Variants in GRID1 observed in about 807,000 individuals in gnomAD.
GRID1 encodes the protein glutamate ionotropic receptor delta type subunit 1.
Under a neutral mutation model 98.0 loss-of-function variants are expected in GRID1, and 28 were observed. The ratio of observed to expected loss-of-function variants is 0.29; its 90% CI spans 0.21 to 0.39. The LOEUF (loss-of-function observed/expected upper bound fraction) is 0.39, where lower values mean the gene tolerates loss of function less well. Ranked by LOEUF, GRID1 falls within the 10% of genes least tolerant of loss-of-function variation. The pLI, the probability that GRID1 is intolerant of heterozygous loss-of-function variation, is 1.00. For synonymous variants in GRID1, 553 were observed against 538.5 expected (o/e 1.03, Z -0.37); for missense variants, 1,111 against 1,340.5 (o/e 0.83, Z 2.67).
At chr10:85,725,350 T>C (rs1841750444) in intron 10 of GRID1, among the ~76,000 whole-genome samples, 1 of 152,218 alleles carries the variant, frequency 6.6e-6, no homozygotes, top group African/African-American at 2.4e-5. Flanking sequence ...AGGTTTATTC[T>C]TCCATGGTAA....
chr10:86,247,401 T>C (rs1846749660), intron 2 of GRID1, among the ~76,000 whole-genome samples: 1 of 151,892 alleles, frequency 6.6e-6, no homozygotes, highest in Non-Finnish European at 1.5e-5. Context: ...GATGAATGGA[T>C]GGATGGACAG....
intron 12 of GRID1, among the ~76,000 whole-genome samples, chr10:85,678,081 C>T (rs1259779625): frequency 6.6e-6 from 1 of 152,158 alleles, no homozygotes; most frequent in Non-Finnish European, 1.5e-5. Flanking sequence ...CACCAGCATT[C>T]TGCCCCCAAC....
intron 8 of GRID1, among the ~76,000 whole-genome samples, chr10:85,792,727 A>G (rs1325043948): frequency 2.6e-5 from 4 of 152,168 alleles, no homozygotes; most frequent in African/African-American, 9.7e-5. Flanking sequence ...CTTCCTCTCA[A>G]GCTCGAAGCC....
At chr10:85,627,412 G>T (rs1448943956) in intron 13 of GRID1, among the ~76,000 whole-genome samples, 1 of 152,168 alleles carries the variant, frequency 6.6e-6, no homozygotes, top group African/African-American at 2.4e-5. Flanking sequence ...ATCTTATATT[G>T]TTTAGTGGAA....
intron 3 of GRID1, among the ~76,000 whole-genome samples, chr10:86,176,769 G>A (rs1845581055): frequency 6.6e-6 from 1 of 152,176 alleles, no homozygotes; most frequent in South Asian, 2.1e-4. Context: ...AGCCTTGATA[G>A]GTCGCTATTG....
chr10:85,653,692 G>T (rs1840857216), intron 12 of GRID1, among the ~76,000 whole-genome samples: 1 of 152,146 alleles, frequency 6.6e-6, no homozygotes, highest in African/African-American at 2.4e-5. Flanking sequence ...TTGATGAATG[G>T]ATTAACCCAA....
intron 4 of GRID1, among the ~76,000 whole-genome samples, chr10:86,004,740 T>TCACACACACACACACA (rs201671134): frequency 0.19 from 18,191 of 94,172 alleles, 1,604 homozygotes; most frequent in African/African-American, 0.35. Context: ...ACACACACAC[T>TCACACACACACACACA]CACACACACA....
At chr10:86,046,297 T>A (rs1344731574) in intron 4 of GRID1, among the ~76,000 whole-genome samples, 2 of 152,218 alleles carry the variant, frequency 1.3e-5, no homozygotes, top group Non-Finnish European at 2.9e-5. Context: ...GCACACTGCC[T>A]GTGGAGCACC....
At chr10:85,774,059 A>G (rs554681310) in intron 8 of GRID1, among the ~76,000 whole-genome samples, 1 of 152,212 alleles carries the variant, frequency 6.6e-6, no homozygotes, top group Non-Finnish European at 1.5e-5. Context: ...GCATCACGCT[A>G]TCTGACTTCA....
chr10:85,933,297 A>AAC (rs997945882), intron 4 of GRID1, among the ~76,000 whole-genome samples: 3 of 75,716 alleles, frequency 4.0e-5, no homozygotes, highest in Non-Finnish European at 6.2e-5. Flanking sequence ...AAAAAAAAAA[A>AAC]AAAAAAAAAA....
intron 4 of GRID1, among the ~76,000 whole-genome samples, chr10:85,928,025 G>A (rs1244627023): frequency 6.6e-6 from 1 of 152,174 alleles, no homozygotes; most frequent in Non-Finnish European, 1.5e-5. Flanking sequence ...AACTGAGTAA[G>A]GTACAAGGAG....
At chr10:86,304,903 C>T (rs2446014) in intron 2 of GRID1, among the ~76,000 whole-genome samples, 6,098 of 152,172 alleles carry the variant, frequency 0.04, 240 homozygotes, top group Admixed American at 0.11. Flanking sequence ...TTTAAAGCAT[C>T]TGGGTGGCGT....
At chr10:86,010,266 T>C (rs189809415) in intron 4 of GRID1, among the ~76,000 whole-genome samples, 3 of 152,318 alleles carry the variant, frequency 2.0e-5, no homozygotes, top group African/African-American at 4.8e-5. Context: ...CAAATATCCA[T>C]TGAATACTAC....
intron 4 of GRID1, among the ~76,000 whole-genome samples, chr10:86,089,870 CCAAGTAGCTGGGACTGCAGGCA>C (rs1307178569): frequency 1.3e-5 from 2 of 152,004 alleles, no homozygotes; most frequent in East Asian, 3.9e-4. Context: ...CCTCAGCCTC[CCAAGTAGCTGGGACTGCAGGCA>C]CACGCCACCA....
chr10:85,613,546 G>A lies in GRID1; in HGVS notation c.2462C>T (p.Ala821Val), dbSNP rs1842756840. 1.2e-6 allele frequency: 2 copies of A among 1,614,202 alleles called. No homozygotes were observed. The highest frequency in any genetic ancestry group is 1.7e-6 in the Non-Finnish European group (2 of 1,180,048). The change falls in exon 15 of 16, where the codon GCC becomes GTC. Residue 821 changes from alanine (A) to valine (V), a missense_variant. Around this residue, in one of 3 missense-constraint regions of GRID1, gnomAD observed 762 missense variants for 869.1 expected, o/e 0.88. Coordinates refer to ENST00000327946, the MANE Select transcript of GRID1 (RefSeq NM_017551.3). ...GTGCAGCTTGAGGGATTTGCCGTCG[G>A]CCTGGGCGCTGGCATGGCTGGTGAG... Reference protein sequence around the residue: ...CDLTSHASAQADGKSLKLHSF... With the variant: ...CDLTSHASAQVDGKSLKLHSF...
At chr10:86,334,346 G>A (rs182252898) in intron 2 of GRID1, among the ~76,000 whole-genome samples, 28 of 152,224 alleles carry the variant, frequency 1.8e-4, no homozygotes, top group Non-Finnish European at 1.2e-4. Flanking sequence ...GGATGGGGGT[G>A]GGGATCGCCT....
intron 2 of GRID1, among the ~76,000 whole-genome samples, chr10:86,316,026 A>G (rs1330699877): frequency 6.6e-6 from 1 of 152,004 alleles, no homozygotes; most frequent in Non-Finnish European, 1.5e-5. Flanking sequence ...TCACCTATTC[A>G]CCTACCTACA....
At chr10:86,336,366 G>GAA (rs1848221367) in intron 2 of GRID1, among the ~76,000 whole-genome samples, 1 of 152,240 alleles carries the variant, frequency 6.6e-6, no homozygotes, top group African/African-American at 2.4e-5. Flanking sequence ...TGGAATGGAA[G>GAA]AACCGTGACA....
At chr10:86,200,028 C>T (rs1240723938) in intron 3 of GRID1, among the ~76,000 whole-genome samples, 1 of 150,548 alleles carries the variant, frequency 6.6e-6, no homozygotes, top group African/African-American at 2.4e-5. Context: ...TATCCCTAGC[C>T]AATTCCCATA....
Sources: allele counts gnomAD v4.1 joint callset (sites outside exome capture counted in the v4.1 genomes callset), GRCh38; gene constraint gnomAD v4.1.1; regional missense constraint gnomAD v4.1.1; transcripts MANE v1.5; gene names NCBI Gene and HGNC (gene_info 2026-07-23, HGNC 2026-07-21).